The following HIPK2 variants were observed in gnomAD, a reference collection of about 807,000 sequenced individuals.
HIPK2 encodes homeodomain interacting protein kinase 2.
In HIPK2, 27 loss-of-function variants were observed where a neutral mutation model predicts 113.7. The observed-to-expected ratio is 0.24, with a 90% CI of 0.17 to 0.33. HIPK2 has a LOEUF of 0.33. Ranked by LOEUF, HIPK2 falls within the 10% of genes least tolerant of loss-of-function variation. The probability of loss-of-function intolerance (pLI) is 1.00; values close to 1 mark genes in which losing one functional copy is unlikely to be tolerated. For synonymous variants in HIPK2, 631 were observed against 642.2 expected (o/e 0.98, Z 0.26); for missense variants, 1,257 against 1,588.0 (o/e 0.79, Z 3.54).
intron 2 of HIPK2, among the ~76,000 whole-genome samples, chr7:139,647,167 A>G (rs1456929880): frequency 6.7e-6 from 1 of 149,634 alleles, no homozygotes; most frequent in Non-Finnish European, 1.5e-5. Context: ...CAGCTCCTAG[A>G]CTGGAAGCAT....
At chr7:139,692,923 C>T (rs953191896) in intron 2 of HIPK2, among the ~76,000 whole-genome samples, 6 of 152,316 alleles carry the variant, frequency 3.9e-5, no homozygotes, top group African/African-American at 1.4e-4. Context: ...GGTTCCTATG[C>T]CAATATTTTT....
At chr7:139,640,488 T>C (rs1800973077) in intron 2 of HIPK2, among the ~76,000 whole-genome samples, 1 of 152,162 alleles carries the variant, frequency 6.6e-6, no homozygotes, top group Non-Finnish European at 1.5e-5. Context: ...GTGTACCTAC[T>C]TCTGGGTACA....
In HIPK2 at chr7:139,770,330, G is replaced by T. The variant is rs565566459; in HGVS notation, c.19+7275C>A. Reference sequence around the variant, plus strand: ...CTCACAACCTCGGCATTATAACCCTGTGACTTTTAACAGAAATCCAGGCAC... The same window carrying T: ...CTCACAACCTCGGCATTATAACCCTTTGACTTTTAACAGAAATCCAGGCAC... On this transcript the variant is annotated intron_variant, in intron 1 of 14. Coordinates refer to ENST00000406875, the MANE Select transcript of HIPK2 (RefSeq NM_022740.5). Among the ~76,000 whole-genome samples the T allele has an allele frequency of 3.3e-5, 5 of 152,254 alleles. No individual in the cohort carries two copies. In the South Asian group the frequency reaches 1.0e-3, roughly 32 times the overall value.
intron 2 of HIPK2, among the ~76,000 whole-genome samples, chr7:139,636,103 C>T (rs1435961390): frequency 6.6e-6 from 1 of 152,200 alleles, no homozygotes; most frequent in African/African-American, 2.4e-5. Context: ...GTGATCTCCA[C>T]GCTGTCACAT....
chr7:139,600,272 T>C, intron 11 of HIPK2, 145 bp downstream of exon 11: 1 of 933,448 alleles, frequency 1.1e-6, no homozygotes, highest in Middle Eastern at 3.4e-4. Context: ...CAGGATGTTT[T>C]GCTAGTCACT....
In HIPK2 at chr7:139,683,737, T is replaced by C. The variant is rs1233465761; in HGVS notation, c.1103+32195A>G. ...GGCATGTCATACAGCTTCATGAGGG[T>C]TGGCTATGTCCTTTCCAGAGTAAAA... is the stretch of plus-strand genomic sequence containing the variant. On this transcript the variant is annotated intron_variant, in intron 2 of 14. Coordinates refer to ENST00000406875, the MANE Select transcript of HIPK2 (RefSeq NM_022740.5). The surrounding 1 kb of genome is among the most constrained non-coding windows in gnomAD (Gnocchi z 4.2). Among the ~76,000 whole-genome samples the C allele has an allele frequency of 6.6e-6, 1 of 152,130 alleles. No individual in the cohort carries two copies. The highest frequency in any genetic ancestry group is 1.5e-5 in the Non-Finnish European group (1 of 68,028).
At chr7:139,721,238 T>C (rs1795400061) in intron 1 of HIPK2, among the ~76,000 whole-genome samples, 4 of 152,234 alleles carry the variant, frequency 2.6e-5, no homozygotes, top group Non-Finnish European at 4.4e-5. Flanking sequence ...CAACAAGATA[T>C]AGTTAAAGTC....
At chr7:139,628,909 T>C in intron 5 of HIPK2, 44 bp downstream of exon 5, 3 of 1,519,952 alleles carry the variant, frequency 2.0e-6, no homozygotes, top group Non-Finnish European at 2.7e-6. Context: ...TTGCTGCCCT[T>C]GGTTTTAAAG....
chr7:139,777,679 C>T lies in HIPK2; in HGVS notation c.-56G>A. 1 of 1,087,072 alleles carries T rather than the reference C, an allele frequency of 9.2e-7. No homozygotes were observed. The highest frequency in any genetic ancestry group is 1.1e-6 in the Non-Finnish European group (1 of 894,274). 67.3% of individuals were successfully genotyped at this position (1,087,072 alleles called of 1,614,324 possible). A position where few individuals can be genotyped will look rare whatever the true frequency, so the allele number is the denominator to read the frequency against. On this transcript the variant is annotated 5_prime_UTR_variant, in exon 1 of 15. Transcript: ENST00000406875. ...CGGGGACGGGAAAGCGGCGCGCGAG[C>T]TCGGCCCCCCCAGCCTCAGTCGGAA...
At chr7:139,618,948 G>C (rs1244633960) in intron 7 of HIPK2, among the ~76,000 whole-genome samples, 3 of 152,192 alleles carry the variant, frequency 2.0e-5, no homozygotes, top group Admixed American at 6.5e-5. Context: ...TTGTCAAGAA[G>C]CTCACAGGTC....
intron 2 of HIPK2, among the ~76,000 whole-genome samples, chr7:139,686,216 G>T (rs566937980): frequency 2.0e-5 from 3 of 152,184 alleles, no homozygotes; most frequent in Non-Finnish European, 4.4e-5. Context: ...GAAATAGGAA[G>T]AGAACCAGAA....
intron 1 of HIPK2, among the ~76,000 whole-genome samples, chr7:139,723,316 C>G (rs1383190834): frequency 6.6e-6 from 1 of 151,904 alleles, no homozygotes; most frequent in Non-Finnish European, 1.5e-5. Context: ...GCCTCAGCCT[C>G]CCAAGTAGCT....
intron 7 of HIPK2, among the ~76,000 whole-genome samples, chr7:139,616,419 C>T (rs1800045288): frequency 6.6e-6 from 1 of 152,128 alleles, no homozygotes; most frequent in African/African-American, 2.4e-5. Context: ...GGTCTAGTGC[C>T]CTGTTTTCCC....
rs910508863 is a variant in HIPK2 at position 139,564,208 on chromosome 7, G to A, written c.*8719C>T. ...TTGATTTTGCTTTTAAGGGGAAAAC[G>A]AATAAATGACAGCAGATATATGGAA... On this transcript the variant is annotated 3_prime_UTR_variant, in exon 15 of 15. Transcript: ENST00000406875. The A allele has an allele frequency of 7.5e-5, 26 of 347,660 alleles. No individual in the cohort carries two copies. Among genetic ancestry groups the A allele is most frequent in the Admixed American group, 5.7e-4 (12 of 21,124 alleles). 21.5% of individuals were successfully genotyped at this position (347,660 alleles called of 1,614,324 possible).
At chr7:139,620,265 T>C in intron 7 of HIPK2, 136 bp downstream of exon 7, 1 of 1,272,280 alleles carries the variant, frequency 7.9e-7, no homozygotes, top group Non-Finnish European at 1.1e-6. Flanking sequence ...GAAATAACCT[T>C]GGATGCAAAT....
At chr7:139,736,842 G>A (rs942753060) in intron 1 of HIPK2, among the ~76,000 whole-genome samples, 1 of 152,106 alleles carries the variant, frequency 6.6e-6, no homozygotes, top group African/African-American at 2.4e-5. Flanking sequence ...TCCTTCCAAC[G>A]GCTGGATGCA....
chr7:139,691,197 A>T (rs1445249453), intron 2 of HIPK2, among the ~76,000 whole-genome samples: 1 of 152,182 alleles, frequency 6.6e-6, no homozygotes, highest in Non-Finnish European at 1.5e-5. Flanking sequence ...TTGGCTCTAT[A>T]TGTGGCTAGC....
chr7:139,595,146 T>C (rs1799157529), intron 12 of HIPK2, among the ~76,000 whole-genome samples: 1 of 152,222 alleles, frequency 6.6e-6, no homozygotes, highest in Admixed American at 6.5e-5. Context: ...CCAATCTAGC[T>C]GATTGTCAGA....
Position 139,776,496 on chromosome 7 carries a change from C to T in HIPK2, c.19+1109G>A, listed in dbSNP as rs1702713990. Among the ~76,000 whole-genome samples, 3 of 151,866 alleles carry T rather than the reference C, an allele frequency of 2.0e-5. No homozygotes were observed. In the South Asian group the frequency reaches 6.2e-4, roughly 32 times the overall value. Reference sequence around the variant, plus strand: ...CCCTGTCTCACTGGCCACAACTGTTCTCCGGATTTACAGGAGGATTACATT... The same window carrying T: ...CCCTGTCTCACTGGCCACAACTGTTTTCCGGATTTACAGGAGGATTACATT... On this transcript the variant is annotated intron_variant, in intron 1 of 14. Transcript: ENST00000406875.
Sources: allele counts gnomAD v4.1 joint callset (sites outside exome capture counted in the v4.1 genomes callset), GRCh38; gene constraint gnomAD v4.1.1; non-coding constraint Gnocchi (gnomAD v3.1); transcripts MANE v1.5; gene names NCBI Gene and HGNC (gene_info 2026-07-23, HGNC 2026-07-21).